The following CFAP299 variants were observed in gnomAD, a reference collection of about 807,000 sequenced individuals.
CFAP299 encodes cilia- and flagella-associated protein 299.
A neutral mutation model predicts 27.0 loss-of-function variants in CFAP299; 21 were observed. That is an observed-to-expected ratio of 0.78 (90% CI 0.55 to 1.12). The LOEUF (loss-of-function observed/expected upper bound fraction) is 1.12, where lower values mean the gene tolerates loss of function less well. CFAP299 is among the 50% of genes most tolerant of loss of function. CFAP299 has a pLI of 0.00. For missense variants in CFAP299, 310 were observed against 276.6 expected (o/e 1.12, Z -0.86); for synonymous variants, 104 against 98.1 (o/e 1.06, Z -0.36).
intron 3 of CFAP299, among the ~76,000 whole-genome samples, chr4:80,843,974 A>G (rs969747696): frequency 2.0e-5 from 3 of 151,896 alleles, no homozygotes; most frequent in African/African-American, 4.8e-5. Context: ...TCATTGTTCA[A>G]TTCCCACCTA....
chr4:80,653,022 A>G (rs1740386547), intron 3 of CFAP299, among the ~76,000 whole-genome samples: 1 of 152,116 alleles, frequency 6.6e-6, no homozygotes, highest in Admixed American at 6.6e-5. Flanking sequence ...TGTATTTCTC[A>G]TGTGAATTTA....
At chr4:80,646,009 G>T (rs182574576) in intron 3 of CFAP299, among the ~76,000 whole-genome samples, 16 of 152,260 alleles carry the variant, frequency 1.1e-4, no homozygotes, top group East Asian at 5.8e-4. Context: ...GAAATATGTG[G>T]TTTTTTCCAC....
chr4:80,324,154 AG>A, the CFAP299 span, among the ~76,000 whole-genome samples: 2 of 152,146 alleles, frequency 1.3e-5, no homozygotes, highest in South Asian at 2.1e-4. Context: ...ACCCCTCGAT[AG>A]GCCCCGGTAT....
chr4:80,551,863 C>G (rs1039402701), intron 2 of CFAP299, among the ~76,000 whole-genome samples: 1 of 151,940 alleles, frequency 6.6e-6, no homozygotes, highest in African/African-American at 2.4e-5. Context: ...TTTTTCCTGC[C>G]TCAGCCTCCC....
intron 2 of CFAP299, among the ~76,000 whole-genome samples, chr4:80,405,743 C>T (rs548765376): frequency 1.6e-4 from 24 of 151,984 alleles, no homozygotes; most frequent in African/African-American, 2.2e-4. Flanking sequence ...ATATGCCAAC[C>T]GGCATACAAT....
At chr4:80,607,130 A>G (rs1737718376) in intron 3 of CFAP299, among the ~76,000 whole-genome samples, 1 of 152,204 alleles carries the variant, frequency 6.6e-6, no homozygotes, top group South Asian at 2.1e-4. Flanking sequence ...AAATTTTCTT[A>G]CCAATTTTCT....
chr4:80,868,862 T>G (rs1732899626), intron 3 of CFAP299, among the ~76,000 whole-genome samples: 2 of 151,616 alleles, frequency 1.3e-5, no homozygotes, highest in African/African-American at 4.8e-5. Flanking sequence ...TGGGATATTT[T>G]TCTTTTTCTG....
chr4:80,509,859 G>T (rs1459433556), intron 2 of CFAP299, among the ~76,000 whole-genome samples: 6 of 143,762 alleles, frequency 4.2e-5, no homozygotes, highest in African/African-American at 1.5e-4. Context: ...ACTGCTGCCA[G>T]ATTTTTTTTT....
intron 3 of CFAP299, among the ~76,000 whole-genome samples, chr4:80,832,993 TAA>T (rs1343686331): frequency 6.6e-6 from 1 of 152,100 alleles, no homozygotes; most frequent in African/African-American, 2.4e-5. Flanking sequence ...TCCACATATT[TAA>T]AAAGAGTCTA....
intron 4 of CFAP299, among the ~76,000 whole-genome samples, chr4:80,906,072 A>G (rs369853949): frequency 6.6e-5 from 10 of 152,214 alleles, no homozygotes; most frequent in African/African-American, 2.4e-4. Context: ...TGTAAAATCA[A>G]AAGCAAGTTA....
intron 5 of CFAP299, among the ~76,000 whole-genome samples, chr4:80,960,214 C>T (rs1343843909): frequency 2.0e-5 from 3 of 151,716 alleles, no homozygotes; most frequent in Non-Finnish European, 4.4e-5. Context: ...CATCTCATAG[C>T]TTCTTTTCAG....
intron 2 of CFAP299, among the ~76,000 whole-genome samples, chr4:80,439,465 T>C (rs1728245475): frequency 1.3e-5 from 2 of 152,290 alleles, no homozygotes; most frequent in South Asian, 4.2e-4. Flanking sequence ...TCCCTCCCCT[T>C]GTCAAGGGAA....
At chr4:80,694,594 T>TA (rs1720971250) in intron 3 of CFAP299, among the ~76,000 whole-genome samples, 1 of 152,212 alleles carries the variant, frequency 6.6e-6, no homozygotes. Context: ...ATTCAGTTGT[T>TA]ATTTGCTAGA....
chr4:80,874,718 C>T (rs975127242), intron 4 of CFAP299, among the ~76,000 whole-genome samples: 1 of 152,030 alleles, frequency 6.6e-6, no homozygotes, highest in African/African-American at 2.4e-5. Flanking sequence ...CTTAATACAC[C>T]AGTTTTAACA....
chr4:80,752,966 G>T (rs1725021187), intron 3 of CFAP299, among the ~76,000 whole-genome samples: 1 of 151,648 alleles, frequency 6.6e-6, no homozygotes, highest in Non-Finnish European at 1.5e-5. Flanking sequence ...TTTTACATAT[G>T]CAATAACACA....
intron 3 of CFAP299, among the ~76,000 whole-genome samples, chr4:80,750,216 G>GA (rs1351529175): frequency 3.3e-5 from 5 of 151,728 alleles, no homozygotes; most frequent in African/African-American, 1.2e-4. Flanking sequence ...AAAATAATGT[G>GA]AAAAAATAAA....
chr4:80,937,529 G>A (rs563797894), intron 4 of CFAP299, among the ~76,000 whole-genome samples: 2 of 151,650 alleles, frequency 1.3e-5, no homozygotes, highest in East Asian at 1.9e-4. Context: ...ATGTTACCCA[G>A]GGTGGTCTCT....
intron 2 of CFAP299, among the ~76,000 whole-genome samples, chr4:80,539,757 C>T (rs1332949234): frequency 6.6e-6 from 1 of 152,142 alleles, no homozygotes; most frequent in Non-Finnish European, 1.5e-5. Context: ...AATATAGAAT[C>T]TAAGAAAACA....
chr4:80,892,013 A>C (rs1734330444), intron 4 of CFAP299, among the ~76,000 whole-genome samples: 1 of 152,048 alleles, frequency 6.6e-6, no homozygotes, highest in Admixed American at 6.5e-5. Flanking sequence ...ATAATCCTAA[A>C]GTTTATATGG....
Sources: allele counts gnomAD v4.1 joint callset (sites outside exome capture counted in the v4.1 genomes callset), GRCh38; gene constraint gnomAD v4.1.1; transcripts MANE v1.5; gene names NCBI Gene and HGNC (gene_info 2026-07-23, HGNC 2026-07-21).